Variants in ERC2 observed in about 807,000 individuals in gnomAD.
The protein encoded by ERC2 is ERC protein 2.
ERC2 carries 42 observed loss-of-function variants against 114.8 expected under a neutral mutation model. That is an observed-to-expected ratio of 0.37 (90% confidence interval 0.29 to 0.47). The LOEUF is 0.47. Among genes scored for constraint, ERC2 ranks in the 20% least tolerant of loss-of-function variants. The pLI is 0.99. For synonymous variants in ERC2, 454 were observed against 425.5 expected (o/e 1.07, Z -0.82); for missense variants, 939 against 1,150.7 (o/e 0.82, Z 2.66).
intron 3 of ERC2, among the ~76,000 whole-genome samples, chr3:56,229,541 G>A (rs2050469568): frequency 6.6e-6 from 1 of 152,158 alleles, no homozygotes; most frequent in African/African-American, 2.4e-5. Context: ...TAAGTACAAA[G>A]TCTGAAGGGG....
At chr3:56,361,538 C>A (rs1297621033) in intron 2 of ERC2, among the ~76,000 whole-genome samples, 1 of 152,138 alleles carries the variant, frequency 6.6e-6, no homozygotes, top group Non-Finnish European at 1.5e-5. Context: ...TATAAATGGT[C>A]AAGACTCAAT....
chr3:55,901,096 A>G (rs907052286), intron 13 of ERC2, among the ~76,000 whole-genome samples: 1 of 152,218 alleles, frequency 6.6e-6, no homozygotes, highest in Non-Finnish European at 1.5e-5. Flanking sequence ...CTCATTTTCT[A>G]TCACATAGTC....
intron 14 of ERC2, among the ~76,000 whole-genome samples, chr3:55,825,008 A>G (rs2060271444): frequency 6.6e-6 from 1 of 152,208 alleles, no homozygotes; most frequent in Non-Finnish European, 1.5e-5. Flanking sequence ...ATGATGATTT[A>G]CCACCAAATT....
chr3:55,862,552 C>T (rs17056058), intron 14 of ERC2, among the ~76,000 whole-genome samples: 5,458 of 152,192 alleles, frequency 0.036, 158 homozygotes, highest in African/African-American at 0.078. Flanking sequence ...TTGACTGTTA[C>T]GTGAGAAAAC....
intron 15 of ERC2, among the ~76,000 whole-genome samples, chr3:55,719,126 T>C (rs2064298343): frequency 6.6e-6 from 1 of 152,152 alleles, no homozygotes; most frequent in African/African-American, 2.4e-5. Context: ...GATTAGCAAA[T>C]GTTACAACAC....
chr3:55,543,323 G>C (rs1011250164), intron 17 of ERC2, among the ~76,000 whole-genome samples: 1 of 152,208 alleles, frequency 6.6e-6, no homozygotes, highest in African/African-American at 2.4e-5. Context: ...GAGGGCCAGA[G>C]CTTAGACTAA....
At chr3:55,912,829 G>A (rs1309779963) in intron 13 of ERC2, among the ~76,000 whole-genome samples, 4 of 152,120 alleles carry the variant, frequency 2.6e-5, no homozygotes, top group Non-Finnish European at 5.9e-5. Flanking sequence ...AAGTATGAGA[G>A]AGAGAAAGAA....
chr3:55,645,068 G>C (rs1439719913), intron 17 of ERC2, among the ~76,000 whole-genome samples: 1 of 152,114 alleles, frequency 6.6e-6, no homozygotes, highest in African/African-American at 2.4e-5. Context: ...ACTTGTCTTT[G>C]ACAGGGACCA....
At chr3:56,419,370 T>C (rs2061298940) in intron 2 of ERC2, among the ~76,000 whole-genome samples, 1 of 152,220 alleles carries the variant, frequency 6.6e-6, no homozygotes, top group South Asian at 2.1e-4. Flanking sequence ...GAATGGAAAG[T>C]CCTTAATGAA....
At chr3:56,142,445 T>C (rs1197913880) in intron 5 of ERC2, among the ~76,000 whole-genome samples, 3 of 152,216 alleles carry the variant, frequency 2.0e-5, no homozygotes, top group African/African-American at 7.2e-5. Flanking sequence ...TCTGTTTCAT[T>C]CATGTCTGCT....
chr3:55,761,609 T>C (rs368831154), intron 14 of ERC2, among the ~76,000 whole-genome samples: 22 of 152,188 alleles, frequency 1.4e-4, no homozygotes, highest in African/African-American at 4.1e-4. Context: ...TGAGGTGATA[T>C]GGTTTGGCAA....
At chr3:56,438,766 T>C (rs1394466305) in intron 1 of ERC2, among the ~76,000 whole-genome samples, 1 of 152,172 alleles carries the variant, frequency 6.6e-6, no homozygotes, top group Non-Finnish European at 1.5e-5. Context: ...GTGGCTAGGC[T>C]TGAGGTCCCG....
At chr3:55,650,572 T>C (rs1229255661) in intron 17 of ERC2, among the ~76,000 whole-genome samples, 1 of 152,246 alleles carries the variant, frequency 6.6e-6, no homozygotes, top group Non-Finnish European at 1.5e-5. Flanking sequence ...GCTTAATTTC[T>C]GACTCTCCCT....
At chr3:56,032,407 T>A (rs1405286743) in intron 7 of ERC2, among the ~76,000 whole-genome samples, 6 of 152,054 alleles carry the variant, frequency 3.9e-5, no homozygotes, top group South Asian at 2.1e-4. Flanking sequence ...TGGGCCGCCA[T>A]TAAGCAAAGC....
chr3:56,112,998 A>G (rs2079043269), intron 6 of ERC2, among the ~76,000 whole-genome samples: 1 of 152,204 alleles, frequency 6.6e-6, no homozygotes, highest in Admixed American at 6.5e-5. Flanking sequence ...AAAATCAGAA[A>G]AAGCTTATCT....
At chr3:55,843,410 A>C (rs1402309994) in intron 14 of ERC2, among the ~76,000 whole-genome samples, 1 of 152,212 alleles carries the variant, frequency 6.6e-6, no homozygotes, top group Non-Finnish European at 1.5e-5. Flanking sequence ...ATCAGATCAT[A>C]TGAGACTGAT....
At chr3:56,234,585 T>C (rs2050824428) in intron 3 of ERC2, among the ~76,000 whole-genome samples, 1 of 152,228 alleles carries the variant, frequency 6.6e-6, no homozygotes, top group Non-Finnish European at 1.5e-5. Flanking sequence ...TCTTAGTACA[T>C]TTTGCATGGT....
intron 17 of ERC2, among the ~76,000 whole-genome samples, chr3:55,600,386 A>G (rs2058344036): frequency 6.6e-6 from 1 of 152,238 alleles, no homozygotes; most frequent in Non-Finnish European, 1.5e-5. Flanking sequence ...GGATCTGGAA[A>G]GAAAATAACA....
chr3:56,106,278 G>C (rs1441999420), intron 6 of ERC2, among the ~76,000 whole-genome samples: 1 of 152,214 alleles, frequency 6.6e-6, no homozygotes, highest in Admixed American at 6.5e-5. Flanking sequence ...CACCTCCAGA[G>C]ATACAATAGA....
Sources: allele counts gnomAD v4.1 joint callset (sites outside exome capture counted in the v4.1 genomes callset), GRCh38; gene constraint gnomAD v4.1.1; transcripts MANE v1.5; gene names NCBI Gene and HGNC (gene_info 2026-07-23, HGNC 2026-07-21).